Variants in SLC25A48 observed in about 807,000 individuals in gnomAD.
The protein encoded by SLC25A48 is CTC-321K16.1.
A neutral mutation model predicts 32.2 loss-of-function variants in SLC25A48; 29 were observed. That is an observed-to-expected ratio of 0.90 (90% CI 0.67 to 1.23). The LOEUF (loss-of-function observed/expected upper bound fraction) is 1.23. SLC25A48 is among the 50% of genes most tolerant of loss of function. SLC25A48 has a pLI of 0.00. For synonymous variants in SLC25A48, 164 were observed against 172.3 expected, an observed-to-expected ratio of 0.95 and a Z score of 0.38; for missense variants, 399 against 422.7, an observed-to-expected ratio of 0.94 and a Z score of 0.49.
intron 3 of SLC25A48, among the ~76,000 whole-genome samples, chr5:135,771,766 C>T (rs572471085): frequency 8.0e-5 from 12 of 150,368 alleles, no homozygotes; most frequent in African/African-American, 1.2e-4. Context: ...ACTTCCAATA[C>T]GGCAGTGGGT....
At chr5:135,638,177 G>T (rs1379455916) in intron 3 of SLC25A48, among the ~76,000 whole-genome samples, 2 of 152,082 alleles carry the variant, frequency 1.3e-5, no homozygotes, top group African/African-American at 2.4e-5. Context: ...ATTGAAATTT[G>T]TAATGTTTTA....
intron 3 of SLC25A48, among the ~76,000 whole-genome samples, chr5:135,637,472 A>G (rs1191221521): frequency 3.3e-5 from 5 of 152,230 alleles, no homozygotes; most frequent in African/African-American, 1.2e-4. Flanking sequence ...TCTGAAGCCA[A>G]TCAGGGAAAA....
rs1181099912 is a variant in SLC25A48 at position 135,783,415 on chromosome 5, G to T, written c.-520-29108G>T. On this transcript the variant is annotated intron_variant, in intron 3 of 10. Transcript: ENST00000646290. The stretch of plus-strand genomic sequence containing the variant: ...CACATGGGGTGTACACCATCCCCCT[G>T]TGTGATTGTTTCTGATATCCAGGGG... Among the ~76,000 whole-genome samples, 2 of 117,918 alleles carry T rather than the reference G, an allele frequency of 1.7e-5. 1 individual carries two copies. Among genetic ancestry groups the T allele is most frequent in the Non-Finnish European group, 4.2e-5 (2 of 47,724 alleles). 77.4% of individuals were successfully genotyped at this position (117,918 alleles called of 152,430 possible).
At chr5:135,829,611 A>G (rs1372944709) in intron 4 of SLC25A48, among the ~76,000 whole-genome samples, 1 of 141,772 alleles carries the variant, frequency 7.1e-6, no homozygotes, top group Non-Finnish European at 1.5e-5. Flanking sequence ...TCCTATGAAT[A>G]TGGCACAGTT....
intron 3 of SLC25A48, among the ~76,000 whole-genome samples, chr5:135,795,838 A>G (rs1379846610): frequency 7.4e-6 from 1 of 135,704 alleles, no homozygotes; most frequent in Non-Finnish European, 1.5e-5. Flanking sequence ...GGGTGATATT[A>G]CTCCCCATAT....
intron 3 of SLC25A48, among the ~76,000 whole-genome samples, chr5:135,767,532 C>G (rs138628663): frequency 6.6e-6 from 1 of 151,592 alleles, no homozygotes; most frequent in Non-Finnish European, 1.5e-5. Flanking sequence ...CTTTCAATAT[C>G]GTAAACACTC....
chr5:135,869,820 C>T (rs1761496170), intron 4 of SLC25A48, among the ~76,000 whole-genome samples: 1 of 152,190 alleles, frequency 6.6e-6, no homozygotes, highest in Non-Finnish European at 1.5e-5. Flanking sequence ...TACCCCGGCT[C>T]ACCTCCTATG....
At chr5:135,692,051 C>T (rs1754155372) in intron 3 of SLC25A48, among the ~76,000 whole-genome samples, 1 of 152,194 alleles carries the variant, frequency 6.6e-6, no homozygotes, top group African/African-American at 2.4e-5. Flanking sequence ...GGCGCGGTGG[C>T]TCACACCTGT....
At chr5:135,850,315 C>A in intron 2 of SLC25A48, 110 bp from the exon 3 acceptor site, 1 of 1,099,070 alleles carries the variant, frequency 9.1e-7, no homozygotes, top group Non-Finnish European at 1.4e-6. Context: ...AACCCAGACC[C>A]TTTGCTGGCG....
At chr5:135,654,040 C>A in intron 3 of SLC25A48, 1 of 398,418 alleles carries the variant, frequency 2.5e-6, no homozygotes, top group South Asian at 1.8e-5. Flanking sequence ...CAGAGAGCCA[C>A]AGCCTGCTTA....
In SLC25A48 at chr5:135,740,157, TATGTGTGTGTGC is replaced by T. The variant is rs138834257; in HGVS notation, c.-520-72354_-520-72343del. The stretch of plus-strand genomic sequence containing the variant: ...ACAGAAGAATGAATCAACAAGTATA[TATGTGTGTGTGC>T]ATGTGTGTGTGTGTGTATGTATATA... On this transcript the variant is annotated intron_variant, in intron 3 of 10. Coordinates refer to the SLC25A48 transcript ENST00000646290. Among the ~76,000 whole-genome samples, 74 of 152,176 alleles carry T rather than the reference TATGTGTGTGTGC, an allele frequency of 4.9e-4. 2 individuals are homozygous for T. In the East Asian group the frequency reaches 0.014, roughly 29 times the overall value.
chr5:135,770,816 T>C (rs145608164), intron 3 of SLC25A48, among the ~76,000 whole-genome samples: 1 of 151,996 alleles, frequency 6.6e-6, no homozygotes, highest in East Asian at 1.9e-4. Flanking sequence ...ACCCTCCCTG[T>C]GATATTGTTC....
At chr5:135,786,247 G>A (rs1386442053) in intron 3 of SLC25A48, among the ~76,000 whole-genome samples, 5 of 152,078 alleles carry the variant, frequency 3.3e-5, no homozygotes, top group Middle Eastern at 3.2e-3. Context: ...GAGGGGAGAG[G>A]GTGATATTAC....
intron 1 of SLC25A48, among the ~76,000 whole-genome samples, chr5:135,589,304 G>A (rs1751451571): frequency 6.6e-6 from 1 of 152,178 alleles, no homozygotes; most frequent in African/African-American, 2.4e-5. Flanking sequence ...GGCTTGGGAA[G>A]CCCTTAGACC....
intron 3 of SLC25A48, among the ~76,000 whole-genome samples, chr5:135,754,858 T>C: frequency 6.6e-6 from 1 of 152,184 alleles, no homozygotes; most frequent in South Asian, 2.1e-4. Context: ...TGCTCTGACA[T>C]TTATAGTGTC....
chr5:135,873,785 AC>A (rs1441555582), intron 5 of SLC25A48, among the ~76,000 whole-genome samples: 1 of 152,224 alleles, frequency 6.6e-6, no homozygotes, highest in Non-Finnish European at 1.5e-5. Flanking sequence ...AAAGATAGGT[AC>A]TGCCATCCCA....
intron 2 of SLC25A48, among the ~76,000 whole-genome samples, chr5:135,843,281 C>T (rs1336743238): frequency 3.3e-5 from 5 of 152,090 alleles, no homozygotes; most frequent in Non-Finnish European, 5.9e-5. Flanking sequence ...CTTAGTCTAC[C>T]CTCCTGAAAT....
At chr5:135,800,869 G>A (rs2126642203) in intron 3 of SLC25A48, among the ~76,000 whole-genome samples, 1 of 151,452 alleles carries the variant, frequency 6.6e-6, no homozygotes, top group African/African-American at 2.4e-5. Flanking sequence ...CATCCAGAGG[G>A]GGAGAGGATG....
At chr5:135,880,468 G>T (rs908983500) in intron 7 of SLC25A48, among the ~76,000 whole-genome samples, 2 of 152,070 alleles carry the variant, frequency 1.3e-5, no homozygotes, top group Non-Finnish European at 2.9e-5. Context: ...GTACCTGCAG[G>T]GGGCACCGTC....
Sources: allele counts gnomAD v4.1 joint callset (sites outside exome capture counted in the v4.1 genomes callset), GRCh38; gene constraint gnomAD v4.1.1; transcripts MANE v1.5; gene names NCBI Gene and HGNC (gene_info 2026-07-23, HGNC 2026-07-21).